Variants in PIGG observed in about 807,000 individuals in gnomAD.
The protein encoded by PIGG is phosphatidylinositol glycan anchor biosynthesis class G (EMM blood group).
Under a neutral mutation model 83.2 loss-of-function variants are expected in PIGG, and 70 were observed. That is an observed-to-expected ratio of 0.84 (90% confidence interval 0.69 to 1.03). PIGG has a LOEUF of 1.03. PIGG is among the 50% of genes least tolerant of loss of function. PIGG has a pLI of 0.00. For synonymous variants in PIGG, 532 were observed against 519.5 expected, an observed-to-expected ratio of 1.02 and a Z score of -0.33; for missense variants, 1,257 against 1,233.6, an observed-to-expected ratio of 1.02 and a Z score of -0.28.
intron 11 of PIGG, chr4:531,963 C>T (rs1263588247): frequency 6.6e-6 from 1 of 152,470 alleles, no homozygotes; most frequent in Non-Finnish European, 1.5e-5. Context: ...TCCCGGCCTC[C>T]CCAGGACCCA....
chr4:526,755 C>T (rs1424570081), intron 9 of PIGG, among the ~76,000 whole-genome samples: 1 of 151,360 alleles, frequency 6.6e-6, no homozygotes, highest in East Asian at 1.9e-4. Context: ...ACCATGTGGC[C>T]CAGACTGGTC....
chr4:539,464 C>A lies in PIGG; in HGVS notation c.*95C>A. On this transcript the variant is annotated 3_prime_UTR_variant, in exon 13 of 13. Coordinates refer to ENST00000453061, the MANE Select transcript of PIGG (RefSeq NM_001127178.3). ...TTCAACAAAGTTGATGGATAACTTTCTTTGACTGCTCTACCTGAATTTAGA... is the reference window on the plus strand; with the variant it reads ...TTCAACAAAGTTGATGGATAACTTTATTTGACTGCTCTACCTGAATTTAGA... 1.4e-6 allele frequency: 1 copy of A among 709,310 alleles called. No homozygotes were observed. The highest frequency in any genetic ancestry group is 2.4e-6 in the Non-Finnish European group (1 of 417,292). The allele number at this position is 709,310 out of a possible 1,614,324, so 43.9% of individuals were successfully genotyped here.
chr4:529,124 C>T (rs1268745469), intron 10 of PIGG, among the ~76,000 whole-genome samples: 3 of 152,188 alleles, frequency 2.0e-5, no homozygotes, highest in African/African-American at 7.2e-5. Flanking sequence ...TCTGCCCGGC[C>T]AGGGGAGGAG....
chr4:509,135 T>TA (rs1418115794), intron 5 of PIGG, among the ~76,000 whole-genome samples, 165 bp downstream of exon 5: 1 of 152,230 alleles, frequency 6.6e-6, no homozygotes, highest in Admixed American at 6.5e-5. Context: ...GATCTGAAGT[T>TA]ACGTTCCTTC....
intron 12 of PIGG, chr4:536,665 TACAGAAACAGGAG>T (rs1730696648): frequency 1.3e-5 from 2 of 152,362 alleles, no homozygotes; most frequent in Admixed American, 1.3e-4. Context: ...ACACTGGCCT[TACAGAAACAGGAG>T]ACGCCGTCCT....
Position 533,946 on chromosome 4 carries a change from C to A in PIGG, c.2700C>A (p.Ser900Arg). The change falls in exon 12 of 13, where the codon AGC (serine) becomes AGA (arginine). Residue 900 changes from serine (S) to arginine (R), a missense_variant. Physicochemically the swap from Ser to Arg is moderately radical, Grantham distance 110. Transcript: ENST00000453061. ...ACGCAGGGCCTGTGCTGTGGGCCAG[C>A]CACTTAGTGCACTTCCTGAGCTCAG... ...GTYAGPVLWASHLVHFLSSET... is the reference protein window; with the variant it reads ...GTYAGPVLWARHLVHFLSSET... The A allele has an allele frequency of 6.2e-7, 1 of 1,614,208 alleles. No individual in the cohort carries two copies.
At chr4:535,909 G>A (rs1730464429) in intron 12 of PIGG, among the ~76,000 whole-genome samples, 1 of 152,160 alleles carries the variant, frequency 6.6e-6, no homozygotes. Flanking sequence ...TCCAGACCCA[G>A]ATGCCCAGCC....
intron 2 of PIGG, among the ~76,000 whole-genome samples, chr4:504,791 T>C (rs1187199364): frequency 1.3e-5 from 2 of 152,188 alleles, no homozygotes; most frequent in Non-Finnish European, 2.9e-5. Flanking sequence ...GGTTCTATGC[T>C]AAACTCAGGG....
intron 6 of PIGG, among the ~76,000 whole-genome samples, chr4:516,632 C>T (rs544486916): frequency 6.6e-6 from 1 of 152,100 alleles, no homozygotes; most frequent in East Asian, 1.9e-4. Context: ...CCAAGGCAGG[C>T]GGATCATGAA....
In PIGG at chr4:518,883, A is replaced by G. The variant is rs554204832; in HGVS notation, c.1115-2173A>G. ...TTAGAACCCACAGCCAGGCCCGTGC[A>G]GTCCCTCGGTGGCGTCCAGTCTGTT... On this transcript the variant is annotated intron_variant, in intron 6 of 12. Transcript: ENST00000453061. Among the ~76,000 whole-genome samples, 145 of 151,778 alleles carry G rather than the reference A, an allele frequency of 9.6e-4. 2 individuals carry two copies. In the Middle Eastern group the frequency reaches 0.024, roughly 25 times the overall value.
chr4:515,916 G>T lies in PIGG; in HGVS notation c.902-57G>T. 1 of 1,348,738 alleles carries T rather than the reference G, an allele frequency of 7.4e-7. No homozygotes were observed. Among genetic ancestry groups the T allele is most frequent in the South Asian group, 1.2e-5 (1 of 85,218 alleles). 83.5% of individuals were successfully genotyped at this position (1,348,738 alleles called of 1,614,324 possible). A position where few individuals can be genotyped will look rare whatever the true frequency, so the allele number is the denominator to read the frequency against. The stretch of plus-strand genomic sequence containing the variant: ...GTTGTAGAAGGTCTAATTCAAGAAT[G>T]AGTACCATCTTACACTTTCTAGAAG... On this transcript the variant is annotated intron_variant, in intron 5 of 12. Coordinates refer to ENST00000453061, the MANE Select transcript of PIGG (RefSeq NM_001127178.3). This position sits in a 1 kb window ranked among gnomAD's most constrained non-coding sequence, Gnocchi z 4.2.
chr4:517,912 C>T (rs1019174772), intron 6 of PIGG, among the ~76,000 whole-genome samples: 1 of 152,186 alleles, frequency 6.6e-6, no homozygotes, highest in Non-Finnish European at 1.5e-5. Context: ...CGGAGGAAGT[C>T]GACTCCTATT....
intron 10 of PIGG, 147 bp downstream of exon 10, chr4:527,377 T>C (rs750575187): frequency 3.4e-5 from 47 of 1,390,912 alleles, no homozygotes; most frequent in Non-Finnish European, 4.3e-5. Flanking sequence ...TGTTTGTGAA[T>C]TGTGATTGTG....
chr4:499,520 C>G, intron 1 of PIGG, 31 bp downstream of exon 1: 8 of 1,570,544 alleles, frequency 5.1e-6, no homozygotes, highest in Non-Finnish European at 6.9e-6. Context: ...TCTCCGCTCC[C>G]CTGACCCCAC....
intron 6 of PIGG, among the ~76,000 whole-genome samples, chr4:516,438 T>C (rs1431149680): frequency 6.6e-6 from 1 of 152,224 alleles, no homozygotes; most frequent in Admixed American, 6.5e-5. Flanking sequence ...GATCTTGTTA[T>C]GAATGAGAGG....
intron 2 of PIGG, chr4:502,256 C>G (rs1406279340): frequency 6.6e-6 from 1 of 152,206 alleles, no homozygotes; most frequent in Non-Finnish European, 1.5e-5. Context: ...GCTGGGGAGC[C>G]TCACCCCAGA....
At chr4:512,504 G>A (rs1451148718) in intron 5 of PIGG, among the ~76,000 whole-genome samples, 1 of 151,932 alleles carries the variant, frequency 6.6e-6, no homozygotes, top group Non-Finnish European at 1.5e-5. Context: ...TAACACCAGA[G>A]TTTCATTTGA....
chr4:529,881 T>C (rs1728592135), intron 10 of PIGG, among the ~76,000 whole-genome samples: 1 of 152,226 alleles, frequency 6.6e-6, no homozygotes, highest in Admixed American at 6.5e-5. Flanking sequence ...AGCAGAGCTC[T>C]GCCTTTTCTC....
At chr4:517,144 G>C (rs1724176076) in intron 6 of PIGG, among the ~76,000 whole-genome samples, 1 of 152,170 alleles carries the variant, frequency 6.6e-6, no homozygotes, top group Non-Finnish European at 1.5e-5. Context: ...CTGCTGCAGG[G>C]TTTGGTGAGA....
Sources: allele counts gnomAD v4.1 joint callset (sites outside exome capture counted in the v4.1 genomes callset), GRCh38; gene constraint gnomAD v4.1.1; non-coding constraint Gnocchi (gnomAD v3.1); transcripts MANE v1.5; gene names NCBI Gene and HGNC (gene_info 2026-07-23, HGNC 2026-07-21).